The following GPR158 variants were observed in gnomAD, a reference collection of about 807,000 sequenced individuals.
GPR158 encodes the protein metabotropic glycine receptor.
In GPR158, 30 loss-of-function variants were observed where a neutral mutation model predicts 78.2. That is an observed-to-expected ratio of 0.38 (90% CI 0.29 to 0.52). The LOEUF is 0.52. Among genes scored for constraint, GPR158 ranks in the 20% least tolerant of loss-of-function variants. The pLI is 0.83. For missense variants in GPR158, 1,463 were observed against 1,523.5 expected, an observed-to-expected ratio of 0.96 and a Z score of 0.66; for synonymous variants, 581 against 591.1, an observed-to-expected ratio of 0.98 and a Z score of 0.25.
At chr10:25,510,647 C>G (rs1462035099) in intron 5 of GPR158, among the ~76,000 whole-genome samples, 1 of 151,806 alleles carries the variant, frequency 6.6e-6, no homozygotes, top group Non-Finnish European at 1.5e-5. Flanking sequence ...TTTGGTGCAC[C>G]CATCACCTGA....
intron 2 of GPR158, among the ~76,000 whole-genome samples, chr10:25,264,916 A>G (rs1242042931): frequency 6.6e-6 from 1 of 152,210 alleles, no homozygotes; most frequent in Non-Finnish European, 1.5e-5. Context: ...AAGCCTAACT[A>G]AAATGGTTCA....
intron 5 of GPR158, among the ~76,000 whole-genome samples, chr10:25,529,564 C>T (rs751310854): frequency 6.6e-6 from 1 of 152,140 alleles, no homozygotes; most frequent in Non-Finnish European, 1.5e-5. Context: ...ATTGCCTTTA[C>T]TTGTGCTTCA....
intron 4 of GPR158, among the ~76,000 whole-genome samples, chr10:25,458,026 T>G (rs1040032441): frequency 6.6e-6 from 1 of 152,278 alleles, no homozygotes; most frequent in African/African-American, 2.4e-5. Context: ...ATTTCTAATT[T>G]CACATGTATA....
chr10:25,465,049 G>A lies in GPR158; in HGVS notation c.1336-1602G>A, dbSNP rs144524930. Among the ~76,000 whole-genome samples the A allele has an allele frequency of 2.9e-3, 448 of 152,008 alleles. 1 individual carries two copies. The highest frequency in any genetic ancestry group is 9.0e-3 in the African/African-American group (372 of 41,478). ...TGCAAGCCCTGAGTTTTTTTTTGAG[G>A]GTTACACAAAGTATTTCTATATCTT... is the stretch of plus-strand genomic sequence containing the variant. On this transcript the variant is annotated intron_variant, in intron 4 of 10. Transcript: ENST00000376351.
At chr10:25,181,650 G>A (rs1402318959) in intron 1 of GPR158, among the ~76,000 whole-genome samples, 1 of 152,118 alleles carries the variant, frequency 6.6e-6, no homozygotes, top group East Asian at 1.9e-4. Flanking sequence ...TGAGAAGGTT[G>A]GACAAGATGA....
chr10:25,319,883 G>C lies in GPR158; in HGVS notation c.1009-76028G>C, dbSNP rs370455478. On this transcript the variant is annotated intron_variant, in intron 2 of 10. Transcript: ENST00000376351. ...TGTACTGTGGCAAATGAAAAATAAG[G>C]GTTCAAAATCCAACCAGGGCCCCTT... 2.7e-5 allele frequency among the ~76,000 whole-genome samples: 4 copies of C among 150,372 alleles called. No homozygotes were observed. The East Asian group carries it at 7.8e-4, about 29-fold the overall frequency.
chr10:25,193,558 G>A (rs769889774), intron 1 of GPR158, among the ~76,000 whole-genome samples: 14 of 152,212 alleles, frequency 9.2e-5, no homozygotes, highest in Non-Finnish European at 1.8e-4. Flanking sequence ...GCGTGCAGAA[G>A]GTGCTCAATA....
At chr10:25,474,289 A>G (rs868292167) in intron 5 of GPR158, among the ~76,000 whole-genome samples, 6 of 152,208 alleles carry the variant, frequency 3.9e-5, no homozygotes, top group Middle Eastern at 3.4e-3. Context: ...TAATAAGTCA[A>G]TGTTGTTTAA....
intron 5 of GPR158, among the ~76,000 whole-genome samples, chr10:25,536,940 T>C (rs963723753): frequency 5.3e-5 from 8 of 152,330 alleles, no homozygotes; most frequent in Non-Finnish European, 8.8e-5. Flanking sequence ...CTCCAGATGA[T>C]CGTATGCACG....
chr10:25,319,760 T>A (rs541688251), intron 2 of GPR158, among the ~76,000 whole-genome samples: 35 of 152,156 alleles, frequency 2.3e-4, no homozygotes, highest in Middle Eastern at 6.8e-3. Context: ...TTAGCTCAAG[T>A]CCTGTATTTG....
rs537170597 is a variant in GPR158 at position 25,458,767 on chromosome 10, A to G, written c.1336-7884A>G. ...AAGTTCCAGACCATGTAGTGATCAA[A>G]TCTATGTGGTTTAATCCATCAGTTT... On this transcript the variant is annotated intron_variant, in intron 4 of 10. Coordinates refer to ENST00000376351, the MANE Select transcript of GPR158 (RefSeq NM_020752.3). Among the ~76,000 whole-genome samples, 96 of 152,352 alleles carry G rather than the reference A, an allele frequency of 6.3e-4. 1 individual carries two copies. The highest frequency in any genetic ancestry group is 2.1e-3 in the African/African-American group (89 of 41,596).
intron 1 of GPR158, among the ~76,000 whole-genome samples, chr10:25,211,946 G>A (rs1228767415): frequency 2.0e-5 from 3 of 152,088 alleles, no homozygotes; most frequent in Non-Finnish European, 4.4e-5. Flanking sequence ...TGGGTAGTAT[G>A]TCCTAATATT....
chr10:25,417,937 C>T (rs1296675312), intron 4 of GPR158, among the ~76,000 whole-genome samples: 34 of 152,068 alleles, frequency 2.2e-4, no homozygotes, highest in Admixed American at 2.2e-3. Flanking sequence ...ATATGTGCAC[C>T]GTATGTCATT....
At chr10:25,430,775 T>G (rs1474308220) in intron 4 of GPR158, among the ~76,000 whole-genome samples, 2 of 146,572 alleles carry the variant, frequency 1.4e-5, no homozygotes, top group African/African-American at 5.0e-5. Context: ...GATTCCCTAT[T>G]TAATAAATGG....
intron 5 of GPR158, among the ~76,000 whole-genome samples, chr10:25,504,587 G>GCTGGAGCCCTCCCA (rs1348401358): frequency 6.6e-6 from 1 of 152,100 alleles, no homozygotes; most frequent in East Asian, 1.9e-4. Context: ...TCTGCTGCCC[G>GCTGGAGCCCTCCCA]CTGGAGCCCT....
At chr10:25,387,823 A>AT (rs1564441523) in intron 2 of GPR158, among the ~76,000 whole-genome samples, 1 of 152,018 alleles carries the variant, frequency 6.6e-6, no homozygotes, top group East Asian at 1.9e-4. Flanking sequence ...CTTCTCCTCA[A>AT]TTTTTTGCAA....
chr10:25,538,639 A>G (rs528212721), intron 5 of GPR158, among the ~76,000 whole-genome samples: 8 of 152,198 alleles, frequency 5.3e-5, no homozygotes, highest in Non-Finnish European at 1.0e-4. Flanking sequence ...CTTCCCAAGC[A>G]GCTGGGACTG....
At chr10:25,567,756 G>A (rs1836949695) in intron 6 of GPR158, among the ~76,000 whole-genome samples, 2 of 152,130 alleles carry the variant, frequency 1.3e-5, no homozygotes, top group South Asian at 4.2e-4. Flanking sequence ...CTAAATTTTG[G>A]TGGAGAGCCA....
At chr10:25,589,658 A>G (rs1301489572) in intron 8 of GPR158, among the ~76,000 whole-genome samples, 2 of 152,210 alleles carry the variant, frequency 1.3e-5, no homozygotes, top group African/African-American at 2.4e-5. Context: ...CTTTGGTGCT[A>G]TCACACATTC....
Sources: gnomAD v4.1 joint callset for allele counts (sites outside exome capture counted in the v4.1 genomes callset) on GRCh38, gnomAD v4.1.1 for gene constraint, MANE v1.5 for transcripts, NCBI Gene and HGNC (gene_info 2026-07-23, HGNC 2026-07-21) for gene names.